The following GARIN2 variants were observed in gnomAD, a reference collection of about 807,000 sequenced individuals.
The protein encoded by GARIN2 is Golgi-associated RAB2 interactor protein 2.
chr14:67,194,884 C>A, the GARIN2 span, among the ~76,000 whole-genome samples: 4 of 152,186 alleles, frequency 2.6e-5, no homozygotes, highest in Admixed American at 2.6e-4. Context: ...TCTTGAACTC[C>A]TGACCTAAGG....
chr14:67,204,478 G>A, the GARIN2 span: 3 of 1,491,256 alleles, frequency 2.0e-6, no homozygotes, highest in Admixed American at 2.6e-5. Context: ...TATAAGAAAG[G>A]CCTTTTTATA....
At chr14:67,208,815 T>C in the GARIN2 span, among the ~76,000 whole-genome samples, 1 of 150,816 alleles carries the variant, frequency 6.6e-6, no homozygotes, top group Non-Finnish European at 1.5e-5. Context: ...GAGAATTGCT[T>C]GAACTCAGAA....
chr14:67,216,378 G>A, the GARIN2 span, among the ~76,000 whole-genome samples: 1 of 150,850 alleles, frequency 6.6e-6, no homozygotes, highest in Non-Finnish European at 1.5e-5. Context: ...AATATTTTGG[G>A]GTTTTTTTTC....
At chr14:67,217,415 A>G in the GARIN2 span, among the ~76,000 whole-genome samples, 23 of 152,312 alleles carry the variant, frequency 1.5e-4, no homozygotes, top group East Asian at 3.9e-3. Flanking sequence ...ATTTAAGGTT[A>G]TTAGTGATAG....
chr14:67,226,324 T>C, the GARIN2 span, among the ~76,000 whole-genome samples: 2 of 152,094 alleles, frequency 1.3e-5, no homozygotes, highest in African/African-American at 4.8e-5. Context: ...CCTGGGTAGC[T>C]GGGATTACAG....
At chr14:67,192,877 G>GAT in the GARIN2 span, among the ~76,000 whole-genome samples, 1 of 140,742 alleles carries the variant, frequency 7.1e-6, no homozygotes, top group African/African-American at 2.6e-5. Flanking sequence ...TAGATATATA[G>GAT]ATATATATCT....
chr14:67,197,498 C>T, the GARIN2 span: 1 of 152,216 alleles, frequency 6.6e-6, no homozygotes, highest in South Asian at 2.1e-4. Flanking sequence ...CTTTCTCTCT[C>T]CTGGAGACTT....
the GARIN2 span, among the ~76,000 whole-genome samples, chr14:67,193,026 ATCTC>A: frequency 1.4e-5 from 2 of 145,854 alleles, no homozygotes; most frequent in Admixed American, 6.9e-5. Flanking sequence ...ATATAGATAT[ATCTC>A]TATCAATATC....
At chr14:67,216,537 C>T in the GARIN2 span, among the ~76,000 whole-genome samples, 3 of 152,088 alleles carry the variant, frequency 2.0e-5, no homozygotes, top group South Asian at 6.2e-4. Flanking sequence ...AGGTATTTAT[C>T]ACTATAAACT....
the GARIN2 span, among the ~76,000 whole-genome samples, chr14:67,190,241 T>TTTA: frequency 6.7e-6 from 1 of 149,092 alleles, no homozygotes; most frequent in African/African-American, 2.5e-5. Context: ...TTTTTTTTTT[T>TTTA]GAGACACAGT....
chr14:67,194,138 A>G, the GARIN2 span, among the ~76,000 whole-genome samples: 75 of 151,348 alleles, frequency 5.0e-4, no homozygotes, highest in Non-Finnish European at 8.4e-4. Context: ...CGAGGTGGGC[A>G]GATTGCTTGA....
chr14:67,208,992 T>A, the GARIN2 span, among the ~76,000 whole-genome samples: 19 of 151,274 alleles, frequency 1.3e-4, no homozygotes, highest in African/African-American at 4.6e-4. Flanking sequence ...CATAAAAAAA[T>A]TTCAGATAGG....
At chr14:67,210,230 T>C in the GARIN2 span, among the ~76,000 whole-genome samples, 1 of 152,026 alleles carries the variant, frequency 6.6e-6, no homozygotes, top group Non-Finnish European at 1.5e-5. Flanking sequence ...AACCAGGAAA[T>C]AGTATGTCGA....
the GARIN2 span, chr14:67,198,186 A>G: frequency 6.2e-7 from 1 of 1,613,650 alleles, no homozygotes; most frequent in Non-Finnish European, 8.5e-7. Flanking sequence ...CAGCAAGACT[A>G]CCATGAGGAT....
chr14:67,198,328 A>G, the GARIN2 span: 2 of 1,609,522 alleles, frequency 1.2e-6, no homozygotes, highest in South Asian at 2.2e-5. Flanking sequence ...CAGGTAAATC[A>G]TATTCAAGGC....
the GARIN2 span, among the ~76,000 whole-genome samples, chr14:67,193,164 A>G: frequency 7.0e-6 from 1 of 143,006 alleles, no homozygotes; most frequent in Admixed American, 7.1e-5. Flanking sequence ...CTCTATATAG[A>G]CATCTATATA....
the GARIN2 span, among the ~76,000 whole-genome samples, chr14:67,203,775 C>T: frequency 1.2e-4 from 19 of 152,316 alleles, no homozygotes; most frequent in East Asian, 2.5e-3. Context: ...TGCAATGGCA[C>T]GATCTTGGCT....
At chr14:67,197,581 T>C in the GARIN2 span, among the ~76,000 whole-genome samples, 1 of 152,004 alleles carries the variant, frequency 6.6e-6, no homozygotes, top group East Asian at 1.9e-4. Context: ...AGGCAATTTT[T>C]CCACCGACTT....
the GARIN2 span, among the ~76,000 whole-genome samples, chr14:67,196,401 G>A: frequency 3.3e-5 from 5 of 151,792 alleles, no homozygotes; most frequent in African/African-American, 1.2e-4. Flanking sequence ...ATTTTCAGTA[G>A]AGACAGGATT....
Sources: gnomAD v4.1 joint callset for allele counts (sites outside exome capture counted in the v4.1 genomes callset) on GRCh38, gnomAD v4.1.1 for gene constraint, MANE v1.5 for transcripts, NCBI Gene and HGNC (gene_info 2026-07-23, HGNC 2026-07-21) for gene names.